VRK1: variants seen among roughly 807,000 people sequenced by gnomAD.
VRK1 encodes the protein serine/threonine-protein kinase VRK1.
VRK1 carries 33 observed loss-of-function variants against 57.1 expected under a neutral mutation model. The observed-to-expected ratio is 0.58, with a 90% CI of 0.44 to 0.77. The LOEUF is 0.77. Ranked by LOEUF, VRK1 falls within the 30% of genes least tolerant of loss-of-function variation. The probability of loss-of-function intolerance (pLI) is 0.00; values close to 1 mark genes in which losing one functional copy is unlikely to be tolerated. For synonymous variants in VRK1, 137 were observed against 147.8 expected (o/e 0.93, Z 0.53); for missense variants, 413 against 477.3 (o/e 0.87, Z 1.25).
intron 1 of VRK1, among the ~76,000 whole-genome samples, chr14:96,803,369 C>T (rs1017625845): frequency 1.3e-5 from 2 of 151,996 alleles, no homozygotes; most frequent in Non-Finnish European, 2.9e-5. Flanking sequence ...CAGGGTTTCA[C>T]CATTTTGGCC....
chr14:96,837,691 T>A, intron 2 of VRK1, 71 bp from the exon 3 acceptor site: 1 of 1,010,052 alleles, frequency 9.9e-7, no homozygotes, highest in Non-Finnish European at 1.4e-6. Flanking sequence ...GTTACAGATA[T>A]ACAAACCTAA....
chr14:96,827,376 A>C (rs7156355), intron 1 of VRK1, among the ~76,000 whole-genome samples: 1 of 151,856 alleles, frequency 6.6e-6, no homozygotes, highest in African/African-American at 2.4e-5. Context: ...TCTTGTTGCC[A>C]TGTGCTTGTT....
At chr14:96,814,796 G>A (rs1419879415) in intron 1 of VRK1, among the ~76,000 whole-genome samples, 3 of 152,202 alleles carry the variant, frequency 2.0e-5, no homozygotes, top group South Asian at 4.1e-4. Context: ...ATATCTTGGC[G>A]AATATTCCAT....
chr14:96,846,916 A>T (rs562959954), intron 4 of VRK1, among the ~76,000 whole-genome samples: 8 of 152,072 alleles, frequency 5.3e-5, no homozygotes, highest in Non-Finnish European at 7.4e-5. Flanking sequence ...GGACTTGAGC[A>T]TCTGGATTTT....
At chr14:96,856,327 C>A (rs560968147) in intron 9 of VRK1, 77 bp downstream of exon 9, 1 of 1,548,934 alleles carries the variant, frequency 6.5e-7, no homozygotes, top group African/African-American at 1.4e-5. Flanking sequence ...TTGATAGGAA[C>A]TATAGTTTCA....
intron 1 of VRK1, among the ~76,000 whole-genome samples, chr14:96,797,834 C>T (rs541550112): frequency 6.6e-6 from 1 of 152,242 alleles, no homozygotes; most frequent in South Asian, 2.1e-4. Context: ...GCAGGCGAGG[C>T]CCCTGCCCCG....
chr14:96,832,336 A>G (rs1887039676), intron 1 of VRK1, among the ~76,000 whole-genome samples: 2 of 152,146 alleles, frequency 1.3e-5, no homozygotes, highest in South Asian at 4.1e-4. Context: ...CATTCTTATT[A>G]ACCTTCTTTC....
Position 96,856,178 on chromosome 14 carries a change from A to G in VRK1, c.758A>G (p.Gln253Arg), listed in dbSNP as rs768822328. 1 of 1,613,800 alleles carries G rather than the reference A, an allele frequency of 6.2e-7. No individual in the cohort carries two copies. Among genetic ancestry groups the G allele is most frequent in the South Asian group, 1.1e-5 (1 of 91,078 alleles). Residue 253 changes from glutamine (Q) to arginine (R), a missense_variant, in exon 9 of 13, where the codon CAA becomes CGA. This residue lies in a region of VRK1 where 151 missense variants were observed against 225.5 expected (regional missense o/e 0.67). Transcript: ENST00000216639. ...GAAATACTTGGTTATTGCATGATCC[A>G]ATGGCTTACTGGCCATCTTCCTTGG... The part of the protein sequence containing the change: ...DLEILGYCMI[Q>R]WLTGHLPWED...
chr14:96,865,996 T>C lies in VRK1; in HGVS notation c.1068+5261T>C, dbSNP rs1049872776. On this transcript the variant is annotated intron_variant, in intron 11 of 12. Transcript: ENST00000216639. ...TTTTTTAAGCCTCTGATGCATTTTA[T>C]AAAATTTTCTTCCTTGGGGGAGGAC... 2.6e-5 allele frequency among the ~76,000 whole-genome samples: 4 copies of C among 152,170 alleles called. No individual in the cohort carries two copies. The South Asian group carries it at 8.3e-4, about 31-fold the overall frequency.
At chr14:96,845,900 C>T (rs576658027) in intron 3 of VRK1, among the ~76,000 whole-genome samples, 195 bp from the exon 4 acceptor site, 1 of 152,152 alleles carries the variant, frequency 6.6e-6, no homozygotes, top group East Asian at 1.9e-4. Flanking sequence ...GGAACTTGAG[C>T]AATATAAGAA....
chr14:96,808,943 A>G (rs1886038944), intron 1 of VRK1, among the ~76,000 whole-genome samples: 1 of 152,214 alleles, frequency 6.6e-6, no homozygotes, highest in Non-Finnish European at 1.5e-5. Flanking sequence ...AGAATCATTT[A>G]GAGGCTTCTC....
intron 12 of VRK1, among the ~76,000 whole-genome samples, chr14:96,879,868 G>T (rs1889183920): frequency 6.6e-6 from 1 of 151,702 alleles, no homozygotes; most frequent in Non-Finnish European, 1.5e-5. Flanking sequence ...GGCGGAGGTT[G>T]CCTGAGCCAA....
intron 1 of VRK1, among the ~76,000 whole-genome samples, chr14:96,805,393 A>G (rs576835756): frequency 6.6e-6 from 1 of 152,330 alleles, no homozygotes; most frequent in Non-Finnish European, 1.5e-5. Context: ...GATGTGAAAG[A>G]TAACAGATCT....
intron 11 of VRK1, among the ~76,000 whole-genome samples, chr14:96,863,353 T>TA (rs1888462509): frequency 2.0e-5 from 3 of 152,240 alleles, no homozygotes; most frequent in African/African-American, 4.8e-5. Context: ...AAGTCTAGTT[T>TA]ATGTACCTGA....
At chr14:96,808,019 G>GTCTCCCTCTCTCCC (rs1566683621) in intron 1 of VRK1, among the ~76,000 whole-genome samples, 1 of 34,246 alleles carries the variant, frequency 2.9e-5, no homozygotes, top group African/African-American at 7.3e-5. Flanking sequence ...CTCTCCCTCT[G>GTCTCCCTCTCTCCC]TGTGTGTGTG....
chr14:96,800,373 A>G (rs1885611668), intron 1 of VRK1, among the ~76,000 whole-genome samples: 2 of 152,238 alleles, frequency 1.3e-5, no homozygotes, highest in East Asian at 1.9e-4. Context: ...CTCAAATTCA[A>G]GCACATCCTA....
At chr14:96,817,972 C>T (rs1244248047) in intron 1 of VRK1, among the ~76,000 whole-genome samples, 1 of 151,452 alleles carries the variant, frequency 6.6e-6, no homozygotes, top group African/African-American at 2.5e-5. Flanking sequence ...ATAGGCACAA[C>T]AGTGATTCTG....
chr14:96,823,916 A>T (rs923636553), intron 1 of VRK1, among the ~76,000 whole-genome samples: 1 of 152,178 alleles, frequency 6.6e-6, no homozygotes, highest in African/African-American at 2.4e-5. Context: ...ACATTTATTC[A>T]TTCATCTGTT....
intron 1 of VRK1, among the ~76,000 whole-genome samples, chr14:96,808,816 A>G (rs1886030198): frequency 6.6e-6 from 1 of 152,178 alleles, no homozygotes; most frequent in African/African-American, 2.4e-5. Flanking sequence ...TTATTGCGTA[A>G]CACACCACTC....
Sources: gnomAD v4.1 joint callset for allele counts (sites outside exome capture counted in the v4.1 genomes callset) on GRCh38, gnomAD v4.1.1 for gene constraint, gnomAD v4.1.1 regional missense constraint, MANE v1.5 for transcripts, NCBI Gene and HGNC (gene_info 2026-07-23, HGNC 2026-07-21) for gene names.